The following MAK variants were observed in gnomAD, a reference collection of about 807,000 sequenced individuals.
The protein encoded by MAK is male germ cell associated kinase, also known as serine/threonine-protein kinase MAK.
A neutral mutation model predicts 82.6 loss-of-function variants in MAK; 65 were observed. The ratio of observed to expected loss-of-function variants is 0.79; its 90% CI spans 0.64 to 0.97. The LOEUF is 0.97. Among genes scored for constraint, MAK ranks in the 50% least tolerant of loss-of-function variants. The pLI, the probability that MAK is intolerant of heterozygous loss-of-function variation, is 0.00. For missense variants in MAK, 703 were observed against 780.2 expected, an observed-to-expected ratio of 0.90 and a Z score of 1.18; for synonymous variants, 250 against 274.2, an observed-to-expected ratio of 0.91 and a Z score of 0.87.
intron 5 of MAK, among the ~76,000 whole-genome samples, chr6:10,812,856 T>C (rs992184575): frequency 1.5e-4 from 23 of 150,646 alleles, no homozygotes; most frequent in African/African-American, 5.6e-4. Flanking sequence ...CTCTGCCTCC[T>C]GCGTTCAAGC....
chr6:10,801,876 G>C lies in MAK; in HGVS notation c.831+16C>G. On this transcript the variant is annotated intron_variant, in intron 8 of 14. Transcript: ENST00000354489. ...CCTAAACATTTTTAAAGGTCTAACAGGAAGACTCCTCTTACCTGGCTTGCT... is the reference window on the plus strand; with the variant it reads ...CCTAAACATTTTTAAAGGTCTAACACGAAGACTCCTCTTACCTGGCTTGCT... The C allele has an allele frequency of 6.2e-7, 1 of 1,613,308 alleles. No individual in the cohort carries two copies. The highest frequency in any genetic ancestry group is 2.2e-5 in the East Asian group (1 of 44,882).
intron 11 of MAK, chr6:10,779,272 A>G (rs1773748225): frequency 5.5e-6 from 5 of 914,764 alleles, no homozygotes; most frequent in South Asian, 5.0e-5. Flanking sequence ...TTAGCTTTCA[A>G]TTGCATACTG....
At position 10,830,681 on chromosome 6, in the gene MAK, T is replaced by A; in HGVS notation, c.-33A>T. Reference sequence around the variant, plus strand: ...AAATAATGCAGCAGAAGTTGTTGATTGAAATGACTTCCTTGTTGAATATAA... The same window carrying A: ...AAATAATGCAGCAGAAGTTGTTGATAGAAATGACTTCCTTGTTGAATATAA... On this transcript the variant is annotated 5_prime_UTR_variant, in exon 2 of 15. Coordinates refer to ENST00000354489, the MANE Select transcript of MAK (RefSeq NM_001242957.3). The A allele has an allele frequency of 6.8e-7, 1 of 1,471,706 alleles. No homozygotes were observed. The highest frequency in any genetic ancestry group is 2.3e-5 in the East Asian group (1 of 44,170). The allele number at this position is 1,471,706 out of a possible 1,614,324, so 91.2% of individuals were successfully genotyped here.
chr6:10,815,944 A>G (rs946454321), intron 4 of MAK, among the ~76,000 whole-genome samples: 59 of 104,312 alleles, frequency 5.7e-4, no homozygotes, highest in South Asian at 2.7e-3. Flanking sequence ...ATATATATAT[A>G]TATGTATGTT....
chr6:10,779,133 A>G (rs1773728998), intron 11 of MAK, among the ~76,000 whole-genome samples: 1 of 149,356 alleles, frequency 6.7e-6, no homozygotes, highest in African/African-American at 2.5e-5. Context: ...GTCTCAAAAA[A>G]AAAAAAAAAA....
At chr6:10,817,127 A>AGTGTGTGT (rs1190649344) in intron 4 of MAK, among the ~76,000 whole-genome samples, 8 of 77,888 alleles carry the variant, frequency 1.0e-4, no homozygotes, top group Non-Finnish European at 1.7e-4. Flanking sequence ...ACCTTGAGCG[A>AGTGTGTGT]GAGTGTGTGT....
chr6:10,792,587 G>T (rs1227137208), intron 9 of MAK, among the ~76,000 whole-genome samples: 1 of 152,226 alleles, frequency 6.6e-6, no homozygotes, highest in Admixed American at 6.5e-5. Flanking sequence ...TCCTGGCTTA[G>T]AGCACACAAT....
intron 10 of MAK, among the ~76,000 whole-genome samples, chr6:10,790,916 T>A (rs532180093): frequency 6.6e-6 from 1 of 152,302 alleles, no homozygotes; most frequent in Admixed American, 6.5e-5. Flanking sequence ...CAAGACTTGA[T>A]CGTTTAAAAG....
chr6:10,814,934 G>A (rs1315992291), intron 4 of MAK, among the ~76,000 whole-genome samples: 1 of 151,964 alleles, frequency 6.6e-6, no homozygotes, highest in Non-Finnish European at 1.5e-5. Context: ...CTACTCAGGA[G>A]GCTGAGGCAG....
At chr6:10,801,125 C>T (rs888392015) in intron 8 of MAK, among the ~76,000 whole-genome samples, 1 of 152,138 alleles carries the variant, frequency 6.6e-6, no homozygotes, top group African/African-American at 2.4e-5. Context: ...CCTATCACCG[C>T]TCTCTAATTC....
chr6:10,797,711 T>A, intron 8 of MAK: 4 of 1,124,198 alleles, frequency 3.6e-6, no homozygotes, highest in Non-Finnish European at 4.4e-6. Context: ...AGTCCCCACA[T>A]AGGTGGGAAC....
chr6:10,824,809 T>G (rs1778237921), intron 2 of MAK, among the ~76,000 whole-genome samples: 1 of 152,206 alleles, frequency 6.6e-6, no homozygotes, highest in Non-Finnish European at 1.5e-5. Flanking sequence ...CTTGTCCCAC[T>G]GCAGTCTGGC....
chr6:10,827,226 T>C (rs9393680), intron 2 of MAK, among the ~76,000 whole-genome samples: 40,840 of 152,120 alleles, frequency 0.27, 6,431 homozygotes, highest in African/African-American at 0.44. Flanking sequence ...AATAACCATC[T>C]GTGGGACTGT....
At chr6:10,831,301 G>A (rs1238318897) in intron 1 of MAK, among the ~76,000 whole-genome samples, 1 of 152,124 alleles carries the variant, frequency 6.6e-6, no homozygotes, top group Non-Finnish European at 1.5e-5. Flanking sequence ...AATTGGGTAA[G>A]GTAAGTATAA....
intron 8 of MAK, chr6:10,797,700 C>G (rs1581701230): frequency 4.5e-6 from 5 of 1,107,600 alleles, no homozygotes; most frequent in Non-Finnish European, 5.6e-6. Flanking sequence ...TGCCTTTAGC[C>G]AGTCCCCACA....
intron 10 of MAK, among the ~76,000 whole-genome samples, chr6:10,786,081 C>T (rs1774506715): frequency 6.6e-6 from 1 of 152,002 alleles, no homozygotes; most frequent in South Asian, 2.1e-4. Context: ...CCTGTCTCTA[C>T]TAAAAATACA....
intron 1 of MAK, among the ~76,000 whole-genome samples, chr6:10,835,229 G>A (rs1231416889): frequency 5.9e-5 from 9 of 152,124 alleles, no homozygotes; most frequent in African/African-American, 1.9e-4. Context: ...CAAACCCCTG[G>A]CCTTCCAAGA....
intron 8 of MAK, among the ~76,000 whole-genome samples, chr6:10,798,871 C>G (rs952157404): frequency 1.3e-5 from 2 of 151,070 alleles, no homozygotes; most frequent in African/African-American, 4.9e-5. Flanking sequence ...ACTCTGTCAC[C>G]CAGGCTGGAG....
intron 10 of MAK, among the ~76,000 whole-genome samples, chr6:10,788,009 C>T (rs1246876617): frequency 6.6e-6 from 1 of 151,826 alleles, no homozygotes; most frequent in Non-Finnish European, 1.5e-5. Context: ...AGACTACAAC[C>T]TTGATCTTTT....
Sources: allele counts gnomAD v4.1 joint callset (sites outside exome capture counted in the v4.1 genomes callset), GRCh38; gene constraint gnomAD v4.1.1; transcripts MANE v1.5; gene names NCBI Gene and HGNC (gene_info 2026-07-23, HGNC 2026-07-21).